Variants in COMMD10 observed in about 807,000 individuals in gnomAD.
The protein encoded by COMMD10 is COMM domain-containing protein 10.
A neutral mutation model predicts 28.9 loss-of-function variants in COMMD10; 33 were observed. The observed-to-expected ratio is 1.14, with a 90% confidence interval of 0.87 to 1.53. The LOEUF is 1.53. Ranked by LOEUF, COMMD10 falls within the 40% of genes most tolerant of loss-of-function variation. COMMD10 has a pLI of 0.00. For missense variants in COMMD10, 310 were observed against 233.4 expected, an observed-to-expected ratio of 1.33 and a Z score of -2.14; for synonymous variants, 110 against 81.7, an observed-to-expected ratio of 1.35 and a Z score of -1.87.
chr5:116,266,143 A>G (rs2112690907), intron 5 of COMMD10, among the ~76,000 whole-genome samples: 1 of 151,832 alleles, frequency 6.6e-6, no homozygotes. Context: ...CCTTCTCCTT[A>G]AGGGGGCAAT....
intron 4 of COMMD10, among the ~76,000 whole-genome samples, chr5:116,100,946 A>G (rs1580444386): frequency 6.6e-6 from 1 of 152,112 alleles, no homozygotes; most frequent in Non-Finnish European, 1.5e-5. Flanking sequence ...TTTTACATCC[A>G]TGTGTACACA....
At chr5:116,096,900 C>A (rs1310381330) in intron 4 of COMMD10, among the ~76,000 whole-genome samples, 1 of 151,818 alleles carries the variant, frequency 6.6e-6, no homozygotes, top group African/African-American at 2.4e-5. Flanking sequence ...AAGCCATTTT[C>A]ATTTTTAAAA....
intron 5 of COMMD10, among the ~76,000 whole-genome samples, chr5:116,272,196 A>G (rs1750777666): frequency 6.6e-6 from 1 of 151,870 alleles, no homozygotes; most frequent in South Asian, 2.1e-4. Context: ...GAATTTAGCC[A>G]TGTCAGTGCA....
intron 4 of COMMD10, among the ~76,000 whole-genome samples, chr5:116,106,163 C>T (rs1459127627): frequency 6.6e-6 from 1 of 151,690 alleles, no homozygotes; most frequent in African/African-American, 2.4e-5. Flanking sequence ...TAAATGTGTC[C>T]CACAGATTCT....
At chr5:116,101,640 T>G (rs1750663276) in intron 4 of COMMD10, among the ~76,000 whole-genome samples, 1 of 152,144 alleles carries the variant, frequency 6.6e-6, no homozygotes, top group Admixed American at 6.5e-5. Flanking sequence ...TTGGTCAGGC[T>G]GGTCTCGAAC....
At chr5:116,236,083 T>A (rs1196945897) in intron 5 of COMMD10, among the ~76,000 whole-genome samples, 3 of 152,112 alleles carry the variant, frequency 2.0e-5, no homozygotes, top group Non-Finnish European at 4.4e-5. Flanking sequence ...ATACATGTTA[T>A]TGTAACAGAA....
At chr5:116,138,114 A>G (rs58914490) in intron 5 of COMMD10, among the ~76,000 whole-genome samples, 18,001 of 151,920 alleles carry the variant, frequency 0.12, 1,592 homozygotes, top group African/African-American at 0.24. Flanking sequence ...TTATAGAACA[A>G]TAGAGTTCTC....
At position 116,256,228 on chromosome 5, in the gene COMMD10, A is replaced by ATT. The variant is rs113132200; in HGVS notation, c.511-35286_511-35285dup. ...AGTTAACCATGTTTTGTCCAAAATG[A>ATT]TTTTGAATCACCGTTCGGACAGATC... is the stretch of plus-strand genomic sequence containing the variant. On this transcript the variant is annotated intron_variant, in intron 5 of 6. Coordinates refer to ENST00000274458, the MANE Select transcript of COMMD10 (RefSeq NM_016144.4). 2.1e-3 allele frequency among the ~76,000 whole-genome samples: 320 copies of ATT among 151,852 alleles called. 4 individuals carry two copies. The highest frequency in any genetic ancestry group is 7.3e-3 in the African/African-American group (302 of 41,266).
At chr5:116,235,652 T>C (rs1417734610) in intron 5 of COMMD10, among the ~76,000 whole-genome samples, 2 of 152,186 alleles carry the variant, frequency 1.3e-5, no homozygotes, top group African/African-American at 4.8e-5. Context: ...ATCATTCTCC[T>C]ATAGAACCTT....
At chr5:116,202,117 A>G (rs541168425) in intron 5 of COMMD10, among the ~76,000 whole-genome samples, 14 of 143,274 alleles carry the variant, frequency 9.8e-5, no homozygotes, top group African/African-American at 3.4e-4. Context: ...ATTCCCACCT[A>G]TGAATGAGAA....
intron 4 of COMMD10, 52 bp downstream of exon 4, chr5:116,092,752 T>C (rs1580437527): frequency 7.9e-7 from 1 of 1,269,894 alleles, no homozygotes. Flanking sequence ...TGGCATAAAT[T>C]ATTATACCTG....
chr5:116,207,543 T>G (rs1195372938), intron 5 of COMMD10, among the ~76,000 whole-genome samples: 41 of 152,174 alleles, frequency 2.7e-4, no homozygotes, highest in Admixed American at 2.7e-3. Context: ...TTTTTTTTCT[T>G]GAGACAAAGT....
chr5:116,086,562 G>A (rs1750105862), intron 1 of COMMD10, among the ~76,000 whole-genome samples: 1 of 151,962 alleles, frequency 6.6e-6, no homozygotes, highest in Admixed American at 6.5e-5. Flanking sequence ...GTGTTCAAGC[G>A]ATTCTCCTCC....
chr5:116,230,245 C>T (rs1749496528), intron 5 of COMMD10, among the ~76,000 whole-genome samples: 1 of 151,916 alleles, frequency 6.6e-6, no homozygotes, highest in Admixed American at 6.6e-5. Context: ...ATTTTTATCT[C>T]CATTACTTGT....
intron 5 of COMMD10, among the ~76,000 whole-genome samples, chr5:116,239,585 G>T (rs1185761797): frequency 2.6e-5 from 4 of 152,106 alleles, no homozygotes; most frequent in East Asian, 3.9e-4. Context: ...GCCTTTGCAG[G>T]TAATGCCAAC....
chr5:116,262,488 A>G (rs750406910), intron 5 of COMMD10, among the ~76,000 whole-genome samples: 9 of 151,748 alleles, frequency 5.9e-5, no homozygotes, highest in Non-Finnish European at 1.2e-4. Flanking sequence ...TACCAAGACA[A>G]ATGCCTGCAT....
chr5:116,172,363 G>C (rs1026900969), intron 5 of COMMD10, among the ~76,000 whole-genome samples: 9 of 152,066 alleles, frequency 5.9e-5, no homozygotes, highest in African/African-American at 1.9e-4. Context: ...ATTATATGAA[G>C]AAAAATACTA....
At chr5:116,202,899 C>T (rs1748707228) in intron 5 of COMMD10, among the ~76,000 whole-genome samples, 1 of 152,094 alleles carries the variant, frequency 6.6e-6, no homozygotes, top group Non-Finnish European at 1.5e-5. Context: ...AATTAAATCC[C>T]ATTTGTCAAT....
At chr5:116,218,356 G>A in intron 5 of COMMD10, 1 of 624,250 alleles carries the variant, frequency 1.6e-6, no homozygotes, top group African/African-American at 1.8e-5. Flanking sequence ...AGGCATGTGG[G>A]CTTTGGTGAG....
Sources: allele counts gnomAD v4.1 joint callset (sites outside exome capture counted in the v4.1 genomes callset), GRCh38; gene constraint gnomAD v4.1.1; transcripts MANE v1.5; gene names NCBI Gene and HGNC (gene_info 2026-07-23, HGNC 2026-07-21).